The following OOSP1 variants were observed in gnomAD, a reference collection of about 807,000 sequenced individuals.
OOSP1 encodes the protein putative oocyte-secreted protein 1 homolog.
In OOSP1, 11 loss-of-function variants were observed where a neutral mutation model predicts 5.7. The ratio of observed to expected loss-of-function variants is 1.94; its 90% CI spans 1.22 to 3.20. The LOEUF (loss-of-function observed/expected upper bound fraction) is 3.20. Ranked by LOEUF, OOSP1 falls within the 30% of genes most tolerant of loss-of-function variation. The pLI is 0.00. For synonymous variants in OOSP1, 44 were observed against 20.0 expected (o/e 2.20, Z -3.20); for missense variants, 83 against 54.1 (o/e 1.53, Z -1.67).
chr11:59,941,931 G>C (rs114879770), intron 1 of OOSP1, among the ~76,000 whole-genome samples: 1 of 152,114 alleles, frequency 6.6e-6, no homozygotes, highest in Non-Finnish European at 1.5e-5. Flanking sequence ...TAGTAATATC[G>C]TGATTTGAAT....
At chr11:59,944,578 C>A (rs1053860861) in intron 2 of OOSP1, among the ~76,000 whole-genome samples, 2 of 152,068 alleles carry the variant, frequency 1.3e-5, no homozygotes, top group African/African-American at 4.8e-5. Context: ...GAACCATATG[C>A]TAAATGTTCT....
chr11:59,945,298 C>T (rs751309788), intron 3 of OOSP1, 32 bp downstream of exon 3: 73 of 702,778 alleles, frequency 1.0e-4, no homozygotes, highest in Non-Finnish European at 1.7e-4. Context: ...CCTGTCCTAG[C>T]CCCTGGCTTC....
At chr11:59,945,997 C>T (rs772297089) in intron 3 of OOSP1, among the ~76,000 whole-genome samples, 11 of 151,864 alleles carry the variant, frequency 7.2e-5, no homozygotes, top group East Asian at 1.9e-4. Context: ...CCACATCTCC[C>T]GAGAACTGTA....
At chr11:59,953,313 A>T (rs1173259509) in intron 4 of OOSP1, among the ~76,000 whole-genome samples, 1 of 151,930 alleles carries the variant, frequency 6.6e-6, no homozygotes, top group Non-Finnish European at 1.5e-5. Context: ...GTTTCCTGCT[A>T]CTCAGGCTCT....
chr11:59,941,140 G>T (rs183349842), intron 1 of OOSP1, among the ~76,000 whole-genome samples: 1 of 152,078 alleles, frequency 6.6e-6, no homozygotes, highest in African/African-American at 2.4e-5. Flanking sequence ...CATTTCAAGG[G>T]TGTTATATAA....
chr11:59,949,233 T>G (rs1167817067), intron 4 of OOSP1, among the ~76,000 whole-genome samples: 1 of 152,032 alleles, frequency 6.6e-6, no homozygotes, highest in Admixed American at 6.6e-5. Context: ...AGTTCACACT[T>G]TAGTAGGAGG....
exon 2 of OOSP1, chr11:59,942,927 G>C (rs1000134920): frequency 1.4e-6 from 1 of 702,866 alleles, no homozygotes; most frequent in Non-Finnish European, 2.6e-6. Context: ...TGTGAACCCC[G>C]ATGAAGTGTT....
chr11:59,943,544 A>T (rs1413410827), intron 2 of OOSP1, among the ~76,000 whole-genome samples: 1 of 152,246 alleles, frequency 6.6e-6, no homozygotes, highest in Non-Finnish European at 1.5e-5. Flanking sequence ...AACACTAATT[A>T]TTCATTTAGT....
chr11:59,938,775 A>T (rs923913520), intron 1 of OOSP1, among the ~76,000 whole-genome samples: 6 of 152,094 alleles, frequency 3.9e-5, no homozygotes, highest in Admixed American at 3.9e-4. Context: ...TTTTGATCTT[A>T]TTCTGACCAT....
intron 4 of OOSP1, among the ~76,000 whole-genome samples, chr11:59,948,476 C>A (rs1044077223): frequency 6.6e-6 from 1 of 152,154 alleles, no homozygotes; most frequent in Non-Finnish European, 1.5e-5. Flanking sequence ...GCAAAAGTAT[C>A]CTTATTCACT....
intron 3 of OOSP1, among the ~76,000 whole-genome samples, chr11:59,946,980 C>A (rs563316): frequency 0.95 from 143,559 of 151,622 alleles, 68,114 homozygotes; most frequent in Non-Finnish European, 0.99. Context: ...TCTATCTACT[C>A]TGTACCCACA....
chr11:59,947,434 A>G (rs961835595), intron 3 of OOSP1, among the ~76,000 whole-genome samples: 3 of 152,120 alleles, frequency 2.0e-5, no homozygotes, highest in African/African-American at 7.2e-5. Flanking sequence ...TATTATGCCA[A>G]ATTCAGGATG....
intron 4 of OOSP1, among the ~76,000 whole-genome samples, chr11:59,951,929 T>C (rs1853944663): frequency 6.6e-6 from 1 of 151,990 alleles, no homozygotes; most frequent in South Asian, 2.1e-4. Context: ...AAAGGATTGA[T>C]TGGTCAGCCA....
At chr11:59,942,974 A>T in exon 2 of OOSP1, 1 of 703,042 alleles carries the variant, frequency 1.4e-6, no homozygotes, top group Non-Finnish European at 2.6e-6. Context: ...ATGTTTTGCC[A>T]AATGTCTACT....
intron 4 of OOSP1, among the ~76,000 whole-genome samples, chr11:59,949,410 G>A (rs183076782): frequency 9.9e-5 from 15 of 152,074 alleles, no homozygotes; most frequent in Non-Finnish European, 1.9e-4. Flanking sequence ...TGAGGAAAGA[G>A]CTCAAGGAAG....
At chr11:59,939,711 C>T (rs1490430814) in intron 1 of OOSP1, among the ~76,000 whole-genome samples, 1 of 150,990 alleles carries the variant, frequency 6.6e-6, no homozygotes, top group African/African-American at 2.4e-5. Flanking sequence ...CTCTTCCCTT[C>T]CTCTTTCTCT....
At chr11:59,943,134 C>A (rs574143384) in intron 2 of OOSP1, 106 bp downstream of exon 2, 35 of 417,008 alleles carry the variant, frequency 8.4e-5, no homozygotes, top group South Asian at 8.2e-4. Context: ...TGAGTGAGAA[C>A]ATGTGGTGTT....
chr11:59,955,736 A>G (rs1175392441), intron 4 of OOSP1, among the ~76,000 whole-genome samples: 2 of 151,996 alleles, frequency 1.3e-5, no homozygotes, highest in Admixed American at 6.6e-5. Flanking sequence ...GGCTCAAGCA[A>G]TCCTCCCACT....
chr11:59,947,819 T>A, exon 4 of OOSP1: 1 of 398,900 alleles, frequency 2.5e-6, no homozygotes, highest in South Asian at 1.3e-4. Flanking sequence ...AGGATACACA[T>A]TGCGAATGAA....
Sources: gnomAD v4.1 joint callset for allele counts (sites outside exome capture counted in the v4.1 genomes callset) on GRCh38, gnomAD v4.1.1 for gene constraint, MANE v1.5 for transcripts, NCBI Gene and HGNC (gene_info 2026-07-23, HGNC 2026-07-21) for gene names.